The following CCSER1 variants were observed in gnomAD, a reference collection of about 807,000 sequenced individuals.
CCSER1 encodes the protein coiled-coil serine rich protein 1, also known as serine-rich coiled-coil domain-containing protein 1.
In CCSER1, 41 loss-of-function variants were observed where a neutral mutation model predicts 82.0. That is an observed-to-expected ratio of 0.50 (90% confidence interval 0.39 to 0.65). The LOEUF is 0.65. CCSER1 is among the 30% of genes least tolerant of loss of function. The pLI is 0.00. For missense variants in CCSER1, 1,119 were observed against 1,064.2 expected, an observed-to-expected ratio of 1.05 and a Z score of -0.72; for synonymous variants, 414 against 383.9, an observed-to-expected ratio of 1.08 and a Z score of -0.92.
At chr4:91,265,512 G>A (rs979626816) in intron 10 of CCSER1, among the ~76,000 whole-genome samples, 1 of 152,048 alleles carries the variant, frequency 6.6e-6, no homozygotes, top group African/African-American at 2.4e-5. Flanking sequence ...ACAGATTATA[G>A]GAAAACTCTA....
At chr4:91,235,236 G>A (rs1225248968) in intron 10 of CCSER1, among the ~76,000 whole-genome samples, 1 of 152,036 alleles carries the variant, frequency 6.6e-6, no homozygotes, top group East Asian at 1.9e-4. Flanking sequence ...GGTATACATA[G>A]CAAATTCATA....
chr4:90,201,627 T>C (rs1016169287), intron 1 of CCSER1, among the ~76,000 whole-genome samples: 1 of 151,834 alleles, frequency 6.6e-6, no homozygotes, highest in African/African-American at 2.4e-5. Flanking sequence ...GTATTTACAC[T>C]TACGGAACAT....
intron 10 of CCSER1, among the ~76,000 whole-genome samples, chr4:91,445,769 A>T (rs182531631): frequency 3.7e-4 from 57 of 152,186 alleles, no homozygotes; most frequent in Middle Eastern, 3.4e-3. Context: ...CCTTCTATTA[A>T]CAAAAAAATT....
At chr4:90,689,387 T>G (rs2149220775) in intron 6 of CCSER1, among the ~76,000 whole-genome samples, 1 of 152,258 alleles carries the variant, frequency 6.6e-6, no homozygotes, top group African/African-American at 2.4e-5. Flanking sequence ...AACAATTCTT[T>G]ATAGTGCCCA....
At chr4:90,141,378 G>A (rs995255060) in intron 1 of CCSER1, among the ~76,000 whole-genome samples, 4 of 152,144 alleles carry the variant, frequency 2.6e-5, no homozygotes, top group Non-Finnish European at 5.9e-5. Flanking sequence ...GCCCAGCCAA[G>A]TTGATACATA....
At chr4:90,544,042 T>A (rs76401042) in intron 5 of CCSER1, among the ~76,000 whole-genome samples, 1 of 152,034 alleles carries the variant, frequency 6.6e-6, no homozygotes, top group African/African-American at 2.4e-5. Context: ...GAAGTAACAT[T>A]GTAATGCTGT....
intron 10 of CCSER1, among the ~76,000 whole-genome samples, chr4:91,433,258 T>C (rs1274093133): frequency 1.3e-5 from 2 of 152,120 alleles, no homozygotes; most frequent in Non-Finnish European, 2.9e-5. Flanking sequence ...CTGTGGGTGG[T>C]CCTGTAAAAT....
intron 8 of CCSER1, among the ~76,000 whole-genome samples, chr4:90,881,020 G>A (rs552400481): frequency 1.4e-5 from 2 of 147,012 alleles, no homozygotes; most frequent in Middle Eastern, 6.8e-3. Flanking sequence ...GCTTCTAGTC[G>A]ACCATCTTGG....
chr4:91,581,059 T>A (rs943082331), intron 10 of CCSER1, among the ~76,000 whole-genome samples: 3 of 151,656 alleles, frequency 2.0e-5, no homozygotes, highest in Non-Finnish European at 4.4e-5. Context: ...AGGCAGACCT[T>A]CCACAGATAA....
chr4:90,829,432 A>C (rs1760865802), intron 8 of CCSER1, among the ~76,000 whole-genome samples: 1 of 152,202 alleles, frequency 6.6e-6, no homozygotes, highest in Admixed American at 6.6e-5. Context: ...TACAAATGAA[A>C]GAGTAAAAAT....
At chr4:90,138,664 T>C (rs1351165706) in intron 1 of CCSER1, among the ~76,000 whole-genome samples, 1 of 151,790 alleles carries the variant, frequency 6.6e-6, no homozygotes, top group Non-Finnish European at 1.5e-5. Flanking sequence ...TGTCACTTCC[T>C]CAAACCAAAA....
chr4:91,346,367 G>A (rs1748057558), intron 10 of CCSER1, among the ~76,000 whole-genome samples: 1 of 152,042 alleles, frequency 6.6e-6, no homozygotes, highest in African/African-American at 2.4e-5. Context: ...ACCACAGTTT[G>A]TTTATTCATT....
At chr4:91,187,569 G>C (rs80248701) in intron 10 of CCSER1, among the ~76,000 whole-genome samples, 17,034 of 149,180 alleles carry the variant, frequency 0.11, 1,084 homozygotes, top group East Asian at 0.24. Context: ...TTTTATTTTT[G>C]AGACGGAGTT....
intron 7 of CCSER1, among the ~76,000 whole-genome samples, chr4:90,798,861 T>TG (rs1269382390): frequency 6.6e-6 from 1 of 151,978 alleles, no homozygotes; most frequent in African/African-American, 2.4e-5. Flanking sequence ...TGCACTGAGG[T>TG]GGGGGGAGGC....
At chr4:91,085,246 TAATG>T (rs1723255495) in intron 9 of CCSER1, among the ~76,000 whole-genome samples, 1 of 152,140 alleles carries the variant, frequency 6.6e-6, no homozygotes, top group African/African-American at 2.4e-5. Flanking sequence ...TCAAAATTCT[TAATG>T]ATAGTGTGAA....
At chr4:91,020,403 C>T (rs1739829173) in intron 9 of CCSER1, among the ~76,000 whole-genome samples, 1 of 152,180 alleles carries the variant, frequency 6.6e-6, no homozygotes, top group Non-Finnish European at 1.5e-5. Flanking sequence ...TGGCTCACAC[C>T]TGTCATCCCA....
intron 6 of CCSER1, among the ~76,000 whole-genome samples, chr4:90,663,089 A>G (rs1406628031): frequency 6.6e-6 from 1 of 152,188 alleles, no homozygotes; most frequent in African/African-American, 2.4e-5. Flanking sequence ...TTTATCAGGA[A>G]GATAAAATAA....
At chr4:91,156,411 T>TA (rs1730824194) in intron 10 of CCSER1, among the ~76,000 whole-genome samples, 1 of 151,752 alleles carries the variant, frequency 6.6e-6, no homozygotes, top group Admixed American at 6.6e-5. Context: ...ACAACTGTTC[T>TA]GATCCTTAGA....
intron 10 of CCSER1, among the ~76,000 whole-genome samples, chr4:91,383,024 T>C (rs557159717): frequency 2.0e-5 from 3 of 152,152 alleles, no homozygotes; most frequent in Admixed American, 2.0e-4. Context: ...CAATAAAGGA[T>C]TTTTAAATTA....
Sources: gnomAD v4.1 joint callset for allele counts (sites outside exome capture counted in the v4.1 genomes callset) on GRCh38, gnomAD v4.1.1 for gene constraint, MANE v1.5 for transcripts, NCBI Gene and HGNC (gene_info 2026-07-23, HGNC 2026-07-21) for gene names.